CADM1: variants seen among roughly 807,000 people sequenced by gnomAD.
CADM1 encodes cell adhesion molecule 1.
In CADM1, 15 loss-of-function variants were observed where a neutral mutation model predicts 53.1. The ratio of observed to expected loss-of-function variants is 0.28; its 90% CI spans 0.19 to 0.44. The LOEUF is 0.44. Among genes scored for constraint, CADM1 ranks in the 20% least tolerant of loss-of-function variants. The pLI, the probability that CADM1 is intolerant of heterozygous loss-of-function variation, is 1.00. For synonymous variants in CADM1, 281 were observed against 243.0 expected (o/e 1.16, Z -1.45); for missense variants, 434 against 611.3 (o/e 0.71, Z 3.06).
chr11:115,426,665 T>C (rs972896947), intron 1 of CADM1, among the ~76,000 whole-genome samples: 2 of 152,180 alleles, frequency 1.3e-5, no homozygotes, highest in African/African-American at 4.8e-5. Context: ...CAGTTGAGTT[T>C]CATCCATAAT....
At chr11:115,329,636 C>A (rs12277753) in intron 1 of CADM1, among the ~76,000 whole-genome samples, 2,285 of 152,056 alleles carry the variant, frequency 0.015, 44 homozygotes, top group African/African-American at 0.051. Flanking sequence ...TGCTACAGTG[C>A]TCTTTTAGCT....
chr11:115,417,144 C>T (rs1404252201), intron 1 of CADM1, among the ~76,000 whole-genome samples: 1 of 152,182 alleles, frequency 6.6e-6, no homozygotes, highest in Non-Finnish European at 1.5e-5. Flanking sequence ...TTTCAACTCA[C>T]TTGAAAACTG....
chr11:115,431,664 G>T (rs569447673), intron 1 of CADM1, among the ~76,000 whole-genome samples: 1 of 151,884 alleles, frequency 6.6e-6, no homozygotes, highest in Non-Finnish European at 1.5e-5. Flanking sequence ...CCAGCTAATG[G>T]CTTTCTTTCA....
chr11:115,393,018 T>C (rs1468612988), intron 1 of CADM1, among the ~76,000 whole-genome samples: 2 of 120,336 alleles, frequency 1.7e-5, no homozygotes, highest in African/African-American at 6.7e-5. Flanking sequence ...CACCTGTGAA[T>C]AGCCACTGCA....
At chr11:115,440,166 CATCTTTTTGGCATT>C (rs1368267115) in intron 1 of CADM1, among the ~76,000 whole-genome samples, 5 of 152,332 alleles carry the variant, frequency 3.3e-5, no homozygotes, top group Middle Eastern at 3.4e-3. Flanking sequence ...TTGGCATAAT[CATCTTTTTGGCATT>C]ATCTTTTGTG....
chr11:115,422,595 T>G (rs995828297), intron 1 of CADM1, among the ~76,000 whole-genome samples: 14 of 152,220 alleles, frequency 9.2e-5, no homozygotes, highest in Non-Finnish European at 2.9e-5. Context: ...ACACATCTAT[T>G]TGTTATCTCA....
chr11:115,306,279 C>T lies in CADM1; in HGVS notation c.125-65859G>A, dbSNP rs993585789. Among the ~76,000 whole-genome samples, 61 of 152,036 alleles carry T rather than the reference C, an allele frequency of 4.0e-4. 2 individuals are homozygous for T. Among genetic ancestry groups the T allele is most frequent in the Non-Finnish European group, 1.2e-4 (8 of 67,936 alleles). Reference sequence around the variant, plus strand: ...TTACAGTATTCAGTGCAGTAACATGCGTACAGGTTTGTAGCGTAGGAGCAA... The same window carrying T: ...TTACAGTATTCAGTGCAGTAACATGTGTACAGGTTTGTAGCGTAGGAGCAA... On this transcript the variant is annotated intron_variant, in intron 1 of 11. Coordinates refer to ENST00000331581, the MANE Select transcript of CADM1 (RefSeq NM_001301043.2).
intron 1 of CADM1, among the ~76,000 whole-genome samples, chr11:115,427,915 G>A (rs1011753935): frequency 2.8e-5 from 4 of 141,860 alleles, no homozygotes; most frequent in African/African-American, 5.3e-5. Context: ...GCTAAGGTAA[G>A]AGAATCCTTA....
intron 1 of CADM1, among the ~76,000 whole-genome samples, chr11:115,300,528 T>A (rs1361142749): frequency 1.1e-4 from 17 of 152,152 alleles, no homozygotes; most frequent in Admixed American, 1.1e-3. Context: ...GAATCTTACT[T>A]CTTAAGCATA....
intron 1 of CADM1, among the ~76,000 whole-genome samples, chr11:115,446,783 G>T (rs943405511): frequency 6.6e-6 from 1 of 152,168 alleles, no homozygotes; most frequent in African/African-American, 2.4e-5. Context: ...AGACAACCAA[G>T]GGTTGCATGT....
At chr11:115,305,945 G>T (rs1306271857) in intron 1 of CADM1, among the ~76,000 whole-genome samples, 12 of 148,032 alleles carry the variant, frequency 8.1e-5, no homozygotes, top group Non-Finnish European at 1.8e-4. Context: ...AAACTTTCAG[G>T]CACTATAATA....
intron 1 of CADM1, among the ~76,000 whole-genome samples, chr11:115,278,853 G>A (rs1258033514): frequency 1.3e-5 from 2 of 152,124 alleles, no homozygotes; most frequent in Non-Finnish European, 2.9e-5. Context: ...TATACAATGT[G>A]GTTGATCACA....
intron 3 of CADM1, among the ~76,000 whole-genome samples, chr11:115,233,180 T>C (rs1941886014): frequency 1.3e-5 from 2 of 152,162 alleles, no homozygotes; most frequent in Admixed American, 1.3e-4. Flanking sequence ...AGCCAAAGGA[T>C]CCCTCTTCTT....
chr11:115,325,974 C>T (rs1388012983), intron 1 of CADM1, among the ~76,000 whole-genome samples: 1 of 152,198 alleles, frequency 6.6e-6, no homozygotes, highest in Non-Finnish European at 1.5e-5. Context: ...CTAAGAATTT[C>T]TATTATCCCA....
At chr11:115,404,052 A>G (rs920563081) in intron 1 of CADM1, among the ~76,000 whole-genome samples, 4 of 151,108 alleles carry the variant, frequency 2.6e-5, no homozygotes, top group African/African-American at 9.7e-5. Context: ...TAGGCTGGGC[A>G]CAGTTGCTCA....
Position 115,214,588 on chromosome 11 carries a change from C to T in CADM1, c.994+20G>A. 6.2e-7 allele frequency: 1 copy of T among 1,601,978 alleles called. No homozygotes were observed. The highest frequency in any genetic ancestry group is 8.6e-7 in the Non-Finnish European group (1 of 1,169,018). ...CATGTGACTGACTCTAGTAGAAGAG[C>T]ATTTTATCTTCTCACGTACCGTATA... On this transcript the variant is annotated intron_variant, in intron 7 of 11. Coordinates refer to ENST00000331581, the MANE Select transcript of CADM1 (RefSeq NM_001301043.2).
intron 1 of CADM1, among the ~76,000 whole-genome samples, chr11:115,437,330 G>A (rs1335218960): frequency 2.6e-5 from 4 of 152,234 alleles, no homozygotes; most frequent in African/African-American, 4.8e-5. Flanking sequence ...AGGAGAAAAC[G>A]GGGAAGACAG....
intron 1 of CADM1, among the ~76,000 whole-genome samples, chr11:115,369,597 T>A (rs2135120499): frequency 6.6e-6 from 1 of 152,300 alleles, no homozygotes; most frequent in East Asian, 1.9e-4. Flanking sequence ...TAATCCCACA[T>A]AAAATTCTGA....
chr11:115,203,146 ATT>A (rs71936114), intron 8 of CADM1, among the ~76,000 whole-genome samples: 1 of 147,820 alleles, frequency 6.8e-6, no homozygotes. Flanking sequence ...ACGGGGGATG[ATT>A]TTTTTTTTTG....
Sources: gnomAD v4.1 joint callset for allele counts (sites outside exome capture counted in the v4.1 genomes callset) on GRCh38, gnomAD v4.1.1 for gene constraint, MANE v1.5 for transcripts, NCBI Gene and HGNC (gene_info 2026-07-23, HGNC 2026-07-21) for gene names.